Variants in DTHD1 observed in about 807,000 individuals in gnomAD.
DTHD1 encodes death domain-containing protein 1.
A neutral mutation model predicts 74.8 loss-of-function variants in DTHD1; 59 were observed. The observed-to-expected ratio is 0.79, with a 90% CI of 0.64 to 0.98. The LOEUF (loss-of-function observed/expected upper bound fraction) is 0.98. Among genes scored for constraint, DTHD1 ranks in the 50% least tolerant of loss-of-function variants. The probability of loss-of-function intolerance (pLI) is 0.00; values close to 1 mark genes in which losing one functional copy is unlikely to be tolerated. For synonymous variants in DTHD1, 365 were observed against 371.1 expected (o/e 0.98, Z 0.19); for missense variants, 1,051 against 1,065.4 (o/e 0.99, Z 0.19).
intron 8 of DTHD1, among the ~76,000 whole-genome samples, chr4:36,320,133 T>A (rs1578475420): frequency 6.6e-6 from 1 of 152,234 alleles, no homozygotes; most frequent in South Asian, 2.1e-4. Context: ...TTTTTTCTAA[T>A]CACCTCTCCT....
chr4:36,308,177 G>A (rs2109498752), intron 6 of DTHD1, 27 bp from the exon 7 acceptor site: 5 of 1,538,500 alleles, frequency 3.2e-6, no homozygotes, highest in Non-Finnish European at 3.5e-6. Flanking sequence ...ATTTTTCCCT[G>A]GGGTCTCACC....
At chr4:36,282,688 G>A (rs1465493517) in intron 1 of DTHD1, among the ~76,000 whole-genome samples, 3 of 152,082 alleles carry the variant, frequency 2.0e-5, no homozygotes, top group African/African-American at 7.2e-5. Flanking sequence ...GCATATAGGT[G>A]GCATCATGAA....
intron 5 of DTHD1, among the ~76,000 whole-genome samples, chr4:36,302,592 T>C (rs527601546): frequency 3.2e-4 from 49 of 152,312 alleles, no homozygotes; most frequent in African/African-American, 1.1e-3. Context: ...AATATGACGT[T>C]TTAAAATATG....
At chr4:36,320,886 G>T (rs1758002606) in intron 8 of DTHD1, among the ~76,000 whole-genome samples, 1 of 152,118 alleles carries the variant, frequency 6.6e-6, no homozygotes, top group African/African-American at 2.4e-5. Context: ...ATAGGTGAAG[G>T]TATTTGTCAA....
At position 36,284,517 on chromosome 4, in the gene DTHD1, C is replaced by T; in HGVS notation, c.813C>T (p.Ser271=). 2 of 1,535,730 alleles carry T rather than the reference C, an allele frequency of 1.3e-6. No homozygotes were observed. The highest frequency in any genetic ancestry group is 1.7e-6 in the Non-Finnish European group (2 of 1,146,196). ...CATCCTCAATAATATGTGATATCTC[C>T]AAGAAATATATAAATAGTACTCTTC... ...MTTSSIICDI[S]KKYINSTLPN... The change falls in exon 2 of 10, where the codon TCC becomes TCT. Residue 271 remains serine (S), a synonymous_variant. Coordinates refer to ENST00000639862, the MANE Select transcript of DTHD1 (RefSeq NM_001170700.3).
At chr4:36,336,263 T>G (rs1163245578) in intron 8 of DTHD1, among the ~76,000 whole-genome samples, 1 of 152,226 alleles carries the variant, frequency 6.6e-6, no homozygotes, top group Admixed American at 6.5e-5. Flanking sequence ...AATTAAAATA[T>G]GCAACATTAA....
At chr4:36,320,869 G>A (rs1758001271) in intron 8 of DTHD1, among the ~76,000 whole-genome samples, 1 of 152,172 alleles carries the variant, frequency 6.6e-6, no homozygotes, top group African/African-American at 2.4e-5. Context: ...TATACATGTA[G>A]CATAAAATAG....
Position 36,347,494 on chromosome 4 carries a change from A to G in DTHD1, c.*3670A>G, listed in dbSNP as rs1289967676. Reference sequence around the variant, plus strand: ...GTTCTATATTCAGGACCATTTAGCAATTAAACTTTGAACATCATTATTCAT... The same window carrying G: ...GTTCTATATTCAGGACCATTTAGCAGTTAAACTTTGAACATCATTATTCAT... On this transcript the variant is annotated 3_prime_UTR_variant, in exon 10 of 10. Transcript: ENST00000639862. 1.3e-5 allele frequency among the ~76,000 whole-genome samples: 2 copies of G among 152,152 alleles called. No individual in the cohort carries two copies. The highest frequency in any genetic ancestry group is 2.9e-5 in the Non-Finnish European group (2 of 68,018).
rs1325292534 is a variant in DTHD1, at chr4:36,344,177, A to G, written c.*353A>G. ...ACTTATTAATTGGTATCTACATAAA[A>G]TTAAACTAGTTTTCTGTGACTTCAA... On this transcript the variant is annotated 3_prime_UTR_variant, in exon 10 of 10. Transcript: ENST00000639862. 3 of 187,482 alleles carry G rather than the reference A, an allele frequency of 1.6e-5. No homozygotes were observed. Among genetic ancestry groups the G allele is most frequent in the Non-Finnish European group, 3.4e-5 (3 of 88,936 alleles). The allele number at this position is 187,482 out of a possible 1,614,324, so 11.6% of individuals were successfully genotyped here.
In DTHD1 at chr4:36,345,458, T is replaced by G. The variant is rs1361721571; in HGVS notation, c.*1634T>G. On this transcript the variant is annotated 3_prime_UTR_variant, in exon 10 of 10. Coordinates refer to ENST00000639862, the MANE Select transcript of DTHD1 (RefSeq NM_001170700.3). Reference sequence around the variant, plus strand: ...AGTTATTGAATACCTAGGAATTAATTGAGTTATATTACAAAATTAAATGTT... The same window carrying G: ...AGTTATTGAATACCTAGGAATTAATGGAGTTATATTACAAAATTAAATGTT... The G allele has an allele frequency of 6.6e-6, 1 of 152,196 alleles. No homozygotes were observed. Among genetic ancestry groups the G allele is most frequent in the South Asian group, 2.1e-4 (1 of 4,836 alleles). The allele number at this position is 152,196 out of a possible 1,614,324, so 9.4% of individuals were successfully genotyped here.
chr4:36,343,408 C>T (rs1759428391), intron 9 of DTHD1, 94 bp from the exon 10 acceptor site: 1 of 1,211,862 alleles, frequency 8.3e-7, no homozygotes, highest in Non-Finnish European at 1.1e-6. Context: ...AACAAAAGAG[C>T]AGGGAGACTT....
intron 4 of DTHD1, among the ~76,000 whole-genome samples, chr4:36,294,007 T>C (rs1486178001): frequency 6.6e-6 from 1 of 152,018 alleles, no homozygotes; most frequent in Admixed American, 6.6e-5. Context: ...ATGAAAGAAT[T>C]GACAACAGAC....
intron 6 of DTHD1, among the ~76,000 whole-genome samples, chr4:36,306,743 T>C (rs998177940): frequency 6.6e-6 from 1 of 152,244 alleles, no homozygotes; most frequent in East Asian, 1.9e-4. Flanking sequence ...CCATGTTTTC[T>C]AGACAGCCCA....
chr4:36,320,760 T>A (rs1359918055), intron 8 of DTHD1, among the ~76,000 whole-genome samples: 5 of 152,224 alleles, frequency 3.3e-5, no homozygotes, highest in Non-Finnish European at 7.3e-5. Flanking sequence ...AAAATTCACC[T>A]CAACTAAGCA....
intron 8 of DTHD1, among the ~76,000 whole-genome samples, chr4:36,325,325 G>GAAATAGGT (rs1332466411): frequency 6.6e-6 from 1 of 152,170 alleles, no homozygotes; most frequent in Non-Finnish European, 1.5e-5. Context: ...TGAGGATGGA[G>GAAATAGGT]AAATAGGTAT....
intron 5 of DTHD1, among the ~76,000 whole-genome samples, chr4:36,297,883 G>T (rs370297487): frequency 6.8e-4 from 104 of 151,864 alleles, no homozygotes; most frequent in African/African-American, 2.4e-3. Context: ...ATCTAGGGGG[G>T]ATTTCTTTTT....
intron 2 of DTHD1, among the ~76,000 whole-genome samples, chr4:36,287,259 T>C (rs1755767515): frequency 1.3e-5 from 2 of 152,252 alleles, no homozygotes; most frequent in Non-Finnish European, 2.9e-5. Context: ...TAACTTCAGT[T>C]AGAGTAATGT....
At chr4:36,313,710 A>G (rs1037512005) in intron 7 of DTHD1, among the ~76,000 whole-genome samples, 3 of 152,200 alleles carry the variant, frequency 2.0e-5, no homozygotes, top group African/African-American at 4.8e-5. Context: ...TTAGGTCTCA[A>G]TTGAACCAGT....
intron 8 of DTHD1, among the ~76,000 whole-genome samples, chr4:36,320,612 T>C (rs1025073579): frequency 6.6e-6 from 1 of 152,238 alleles, no homozygotes; most frequent in Non-Finnish European, 1.5e-5. Flanking sequence ...GCCCAAAGTC[T>C]TCAGAAATAA....
Sources: allele counts gnomAD v4.1 joint callset (sites outside exome capture counted in the v4.1 genomes callset), GRCh38; gene constraint gnomAD v4.1.1; transcripts MANE v1.5; gene names NCBI Gene and HGNC (gene_info 2026-07-23, HGNC 2026-07-21).